Variants in SNX13 observed in about 807,000 individuals in gnomAD.
The protein encoded by SNX13 is sorting nexin-13.
SNX13 carries 45 observed loss-of-function variants against 133.6 expected under a neutral mutation model. That is an observed-to-expected ratio of 0.34 (90% CI 0.27 to 0.43). The LOEUF is 0.43. SNX13 is among the 20% of genes least tolerant of loss of function. The pLI is 1.00. For missense variants in SNX13, 1,032 were observed against 1,145.1 expected (o/e 0.90, Z 1.43); for synonymous variants, 414 against 373.9 (o/e 1.11, Z -1.24).
chr7:17,898,770 G>A (rs1797501521), intron 1 of SNX13: 1 of 152,094 alleles, frequency 6.6e-6, no homozygotes, highest in African/African-American at 2.4e-5. Flanking sequence ...TTTATTTAGG[G>A]AGACATATAA....
chr7:17,934,870 A>G (rs1801846247), intron 1 of SNX13, among the ~76,000 whole-genome samples: 1 of 152,210 alleles, frequency 6.6e-6, no homozygotes, highest in Admixed American at 6.5e-5. Flanking sequence ...ATAATCAAAA[A>G]AATGAGAGTA....
chr7:17,885,297 C>CA (rs369504773), intron 5 of SNX13, among the ~76,000 whole-genome samples: 73,750 of 120,860 alleles, frequency 0.61, 20,240 homozygotes, highest in East Asian at 0.74. Context: ...TCCATAGAGA[C>CA]AAAAAAAAAA....
intron 1 of SNX13, among the ~76,000 whole-genome samples, chr7:17,937,011 A>T (rs28588045): frequency 0.057 from 6,472 of 113,074 alleles, 436 homozygotes; most frequent in African/African-American, 0.18. Context: ...TAAAAAAAAT[A>T]AAATAAAATA....
At chr7:17,933,456 T>C (rs1351423741) in intron 1 of SNX13, among the ~76,000 whole-genome samples, 2 of 151,008 alleles carry the variant, frequency 1.3e-5, no homozygotes, top group Non-Finnish European at 2.9e-5. Flanking sequence ...GGCAAAAGAA[T>C]CGCTTGAACC....
chr7:17,901,371 C>A (rs1313051748), intron 1 of SNX13, among the ~76,000 whole-genome samples: 2 of 152,084 alleles, frequency 1.3e-5, no homozygotes, highest in Non-Finnish European at 2.9e-5. Context: ...AGCACAGCAC[C>A]AGGACTCGCC....
chr7:17,801,481 T>C (rs1435828761), intron 22 of SNX13, 107 bp downstream of exon 22: 1 of 785,166 alleles, frequency 1.3e-6, no homozygotes, highest in Non-Finnish European at 2.0e-6. Flanking sequence ...AGCTTAACAC[T>C]TATAATATGT....
chr7:17,866,726 TAAA>T (rs1793440055), intron 9 of SNX13, among the ~76,000 whole-genome samples: 1 of 151,974 alleles, frequency 6.6e-6, no homozygotes, highest in Non-Finnish European at 1.5e-5. Flanking sequence ...AGAAGGGAAA[TAAA>T]GAAGGAATGG....
rs1287693456 is a variant in SNX13 at position 17,805,000 on chromosome 7, T to C, written c.2065-1420A>G. ...ACTGTACAAGGGCTGAGAGTTTTGG[T>C]TGGTTACTCCCTGGCTTAAGCTCAG... On this transcript the variant is annotated intron_variant, in intron 20 of 25. Transcript: ENST00000428135. Among the ~76,000 whole-genome samples the C allele has an allele frequency of 2.6e-5, 4 of 152,188 alleles. No individual in the cohort carries two copies. In the East Asian group the frequency reaches 7.7e-4, roughly 29 times the overall value.
intron 18 of SNX13, among the ~76,000 whole-genome samples, chr7:17,818,665 G>T (rs906382320): frequency 1.1e-4 from 16 of 151,834 alleles, no homozygotes; most frequent in African/African-American, 3.9e-4. Flanking sequence ...CAGCAAAAAA[G>T]AACTAAAATA....
At chr7:17,824,754 T>A (rs779320871) in intron 17 of SNX13, among the ~76,000 whole-genome samples, 1 of 150,290 alleles carries the variant, frequency 6.7e-6, no homozygotes, top group African/African-American at 2.5e-5. Context: ...TATTTACATA[T>A]GTTTGTCAGG....
intron 1 of SNX13, among the ~76,000 whole-genome samples, chr7:17,913,760 C>CAAAAAAAAAAAAA (rs71010278): frequency 1.0e-3 from 55 of 54,066 alleles, no homozygotes; most frequent in Admixed American, 1.2e-3. Context: ...TTAACAAAAA[C>CAAAAAAAAAAAAA]AAAAAAAAAA....
chr7:17,900,743 G>A (rs1278712418), intron 1 of SNX13, among the ~76,000 whole-genome samples: 1 of 152,086 alleles, frequency 6.6e-6, no homozygotes, highest in Non-Finnish European at 1.5e-5. Flanking sequence ...GTCATGAGAT[G>A]CTATACAAGA....
In SNX13 at chr7:17,805,420, G is replaced by A. The variant is rs758384103; in HGVS notation, c.2065-1840C>T. Among the ~76,000 whole-genome samples, 26 of 152,018 alleles carry A rather than the reference G, an allele frequency of 1.7e-4. 1 individual carries two copies. Among genetic ancestry groups the A allele is most frequent in the Non-Finnish European group, 1.5e-4 (10 of 68,000 alleles). On this transcript the variant is annotated intron_variant, in intron 20 of 25. Coordinates refer to ENST00000428135, the MANE Select transcript of SNX13 (RefSeq NM_015132.5). ...ATAAGCTAAGTCATGAGAATATAGCGTAGAATTCTAAAGAGAAATAAGCAT... is the reference window on the plus strand; with the variant it reads ...ATAAGCTAAGTCATGAGAATATAGCATAGAATTCTAAAGAGAAATAAGCAT...
rs554235744 is a variant in SNX13, at chr7:17,887,222, A to G, written c.440+3141T>C. 9.3e-4 allele frequency among the ~76,000 whole-genome samples: 142 copies of G among 152,330 alleles called. 1 individual carries two copies. The highest frequency in any genetic ancestry group is 3.4e-3 in the African/African-American group (142 of 41,574). ...TAAGTTTGCTACAAGAATTACTATT[A>G]CTATTTTACAGAGACATTAAAAATT... On this transcript the variant is annotated intron_variant, in intron 5 of 25. Coordinates refer to ENST00000428135, the MANE Select transcript of SNX13 (RefSeq NM_015132.5).
chr7:17,835,568 A>G (rs1256904004), intron 13 of SNX13, among the ~76,000 whole-genome samples: 3 of 152,152 alleles, frequency 2.0e-5, no homozygotes, highest in Middle Eastern at 6.8e-3. Context: ...AAAGCTAGAC[A>G]TGTCAACAGC....
chr7:17,926,780 G>A (rs538774680), intron 1 of SNX13, among the ~76,000 whole-genome samples: 7 of 152,264 alleles, frequency 4.6e-5, no homozygotes, highest in African/African-American at 1.7e-4. Context: ...CAGCTACTTG[G>A]GGGGCTGAGG....
At chr7:17,809,535 C>T (rs542877492) in intron 20 of SNX13, among the ~76,000 whole-genome samples, 25 of 152,160 alleles carry the variant, frequency 1.6e-4, no homozygotes, top group South Asian at 6.2e-4. Flanking sequence ...ACTTTAACAC[C>T]CTACTGTCAA....
chr7:17,868,580 A>C (rs972893738), intron 8 of SNX13, 90 bp from the exon 9 acceptor site: 2 of 996,034 alleles, frequency 2.0e-6, no homozygotes, highest in Non-Finnish European at 1.5e-6. Context: ...GCTGTTACTT[A>C]AGAAAAGTAT....
rs1303563385 is a variant in SNX13 at position 17,890,491 on chromosome 7, C to A, written c.319-7G>T. On this transcript the variant is annotated splice_region_variant and splice_polypyrimidine_tract_variant and intron_variant, in intron 4 of 25. Transcript: ENST00000428135. The stretch of plus-strand genomic sequence containing the variant: ...TCAAGGAAAACTGGATAACCTATAA[C>A]AAAAATATTGGAAAAAAAATTACAA... The A allele has an allele frequency of 1.3e-6, 2 of 1,537,830 alleles. No individual in the cohort carries two copies. The highest frequency in any genetic ancestry group is 2.3e-5 in the East Asian group (1 of 43,030).
Sources: gnomAD v4.1 joint callset for allele counts (sites outside exome capture counted in the v4.1 genomes callset) on GRCh38, gnomAD v4.1.1 for gene constraint, MANE v1.5 for transcripts, NCBI Gene and HGNC (gene_info 2026-07-23, HGNC 2026-07-21) for gene names.